The following AMPD3 variants were observed in gnomAD, a reference collection of about 807,000 sequenced individuals.
AMPD3 encodes AMP deaminase 3.
Under a neutral mutation model 82.3 loss-of-function variants are expected in AMPD3, and 57 were observed. The ratio of observed to expected loss-of-function variants is 0.69; its 90% CI spans 0.56 to 0.86. The LOEUF (loss-of-function observed/expected upper bound fraction) is 0.86. Ranked by LOEUF, AMPD3 falls within the 40% of genes least tolerant of loss-of-function variation. AMPD3 has a pLI of 0.00. For missense variants in AMPD3, 870 were observed against 1,003.8 expected (o/e 0.87, Z 1.80); for synonymous variants, 381 against 394.7 (o/e 0.97, Z 0.41).
At chr11:10,476,238 C>G (rs1848732068) in intron 2 of AMPD3, among the ~76,000 whole-genome samples, 1 of 152,204 alleles carries the variant, frequency 6.6e-6, no homozygotes. Flanking sequence ...TTAAACCTAT[C>G]CCTTGTGCCT....
In AMPD3 at chr11:10,496,878, C is replaced by T; in HGVS notation, c.1497C>T (p.Pro499=). ...AGATGCTGGAGAACATCTTCCTGCC[C>T]CTTTTCAAGGCCACTATCAACCCCC... is the stretch of plus-strand genomic sequence containing the variant. ...FGKMLENIFL[P]LFKATINPQD... is the part of the protein sequence containing the mutation. Residue 499 remains proline, a synonymous_variant, in exon 10 of 15, where the codon CCC becomes CCT. Transcript: ENST00000396553. 1 of 1,614,062 alleles carries T rather than the reference C, an allele frequency of 6.2e-7. No individual in the cohort carries two copies. The highest frequency in any genetic ancestry group is 8.5e-7 in the Non-Finnish European group (1 of 1,179,962).
At chr11:10,457,020 C>T (rs1848115761) in intron 1 of AMPD3, among the ~76,000 whole-genome samples, 1 of 150,670 alleles carries the variant, frequency 6.6e-6, no homozygotes, top group South Asian at 2.1e-4. Context: ...CTCTGTCACC[C>T]AGGCTGGAGT....
At chr11:10,476,271 G>T (rs921350576) in intron 2 of AMPD3, among the ~76,000 whole-genome samples, 1 of 152,132 alleles carries the variant, frequency 6.6e-6, no homozygotes, top group South Asian at 2.1e-4. Flanking sequence ...CTCCTGGCCC[G>T]CAGATGCTCA....
In AMPD3 at chr11:10,487,288, A is replaced by G. The variant is rs777500401; in HGVS notation, c.863A>G (p.His288Arg). The G allele has an allele frequency of 2.5e-6, 4 of 1,614,148 alleles. No homozygotes were observed. The highest frequency in any genetic ancestry group is 1.1e-5 in the South Asian group (1 of 91,072). ...LNFLESKFSLHEMLNEMSEFK... is the reference protein window; with the variant it reads ...LNFLESKFSLREMLNEMSEFK... ...TTTCTGGAATCCAAGTTCAGCCTTCATGAGATGTTAAACGAAATGTCCGAG... is the reference window on the plus strand; with the variant it reads ...TTTCTGGAATCCAAGTTCAGCCTTCGTGAGATGTTAAACGAAATGTCCGAG... The change falls in exon 6 of 15, where the codon CAT becomes CGT. Residue 288 changes from histidine to arginine, a missense_variant. His to Arg is a conservative substitution (Grantham distance 29). Transcript: ENST00000396553.
chr11:10,481,746 G>T (rs1002876535), intron 3 of AMPD3: 2 of 417,632 alleles, frequency 4.8e-6, no homozygotes, highest in Admixed American at 7.1e-5. Context: ...CAGCACATGT[G>T]GGAAGTGTTG....
upstream of AMPD3, among the ~76,000 whole-genome samples, chr11:10,452,773 G>C (rs1847993053): frequency 4.6e-5 from 7 of 152,220 alleles, no homozygotes; most frequent in Admixed American, 4.6e-4. Flanking sequence ...CCAGGTACCA[G>C]TCTAAACACT....
chr11:10,495,071 T>C, intron 8 of AMPD3, 41 bp downstream of exon 8: 2 of 1,613,690 alleles, frequency 1.2e-6, no homozygotes, highest in Non-Finnish European at 1.7e-6. Flanking sequence ...CTCAGGTGCC[T>C]CCCAACATCT....
intron 2 of AMPD3, among the ~76,000 whole-genome samples, chr11:10,465,345 A>C (rs1848387891): frequency 6.6e-6 from 1 of 152,220 alleles, no homozygotes; most frequent in Non-Finnish European, 1.5e-5. Flanking sequence ...TGCTTTGAGG[A>C]AGAATGCAGG....
At position 10,501,634 on chromosome 11, in the gene AMPD3, G is replaced by T. The variant is rs1326948797; in HGVS notation, c.1842+44G>T. The T allele has an allele frequency of 3.7e-6, 6 of 1,613,926 alleles. No homozygotes were observed. In the South Asian group the frequency reaches 5.5e-5, roughly 15 times the overall value. On this transcript the variant is annotated intron_variant, in intron 12 of 14. Transcript: ENST00000396553. ...GGAGCCCGTCCTGAGTGACTGCCCT[G>T]CCCTGGGCTCCTGGGAGGCTCAACC...
intron 7 of AMPD3, among the ~76,000 whole-genome samples, chr11:10,494,238 AATATC>A (rs1433502598): frequency 6.6e-6 from 1 of 152,234 alleles, no homozygotes; most frequent in African/African-American, 2.4e-5. Flanking sequence ...CAAAAGGACA[AATATC>A]ATATGATTCC....
intron 7 of AMPD3, 152 bp from the exon 8 acceptor site, chr11:10,494,747 G>A (rs1849340409): frequency 1.3e-6 from 2 of 1,531,238 alleles, no homozygotes; most frequent in South Asian, 1.2e-5. Context: ...TGGTCCTGGT[G>A]CTCAGGAGTT....
chr11:10,470,711 A>G (rs1344281422), intron 2 of AMPD3, among the ~76,000 whole-genome samples: 1 of 152,254 alleles, frequency 6.6e-6, no homozygotes, highest in African/African-American at 2.4e-5. Flanking sequence ...CCCATTCACA[A>G]TTGCCACTAG....
At chr11:10,501,077 A>G (rs2133940742) in intron 11 of AMPD3, 10 of 985,394 alleles carry the variant, frequency 1.0e-5, no homozygotes, top group Non-Finnish European at 1.2e-5. Flanking sequence ...GGCATGGAAC[A>G]TAGACTTCAC....
chr11:10,499,938 C>G, intron 10 of AMPD3, 148 bp from the exon 11 acceptor site: 1 of 1,507,448 alleles, frequency 6.6e-7, no homozygotes, highest in Non-Finnish European at 8.9e-7. Context: ...GGAATATGGC[C>G]TCAGGCAGGC....
At chr11:10,501,380 C>T (rs1564858011) in intron 11 of AMPD3, 90 bp from the exon 12 acceptor site, 3 of 1,563,180 alleles carry the variant, frequency 1.9e-6, no homozygotes, top group Non-Finnish European at 2.6e-6. Context: ...TGGTCATTCC[C>T]CCCGGAGCTG....
intron 12 of AMPD3, chr11:10,502,184 T>C (rs1443008678): frequency 4.1e-6 from 4 of 985,292 alleles, no homozygotes; most frequent in Non-Finnish European, 4.8e-6. Context: ...CTTTCCCTGA[T>C]CCCGGTGAGG....
In AMPD3 at chr11:10,456,266, A is replaced by G; in HGVS notation, c.-6+818A>G. The G allele has an allele frequency of 1.3e-6, 2 of 1,564,358 alleles. No homozygotes were observed. The highest frequency in any genetic ancestry group is 1.7e-6 in the Non-Finnish European group (2 of 1,153,484). ...CAGATATGCAAAACAGAGACCTCCT[A>G]CTCCAGCCGGCAGACAGGACCCAGC... On this transcript the variant is annotated intron_variant, in intron 1 of 14. Transcript: ENST00000396553. This position sits in a 1 kb window ranked among gnomAD's most constrained non-coding sequence, Gnocchi z 4.3.
intron 1 of AMPD3, chr11:10,460,854 G>C (rs1197404978): frequency 2.0e-6 from 2 of 980,810 alleles, no homozygotes; most frequent in East Asian, 1.1e-4. Context: ...CAGTATGCGA[G>C]GAGGTGGATA....
At chr11:10,505,572 G>C in intron 14 of AMPD3, 136 bp from the exon 15 acceptor site, 1 of 1,499,462 alleles carries the variant, frequency 6.7e-7, no homozygotes. Context: ...GTTCTGTGGG[G>C]ATAAGATGTC....
Sources: gnomAD v4.1 joint callset for allele counts (sites outside exome capture counted in the v4.1 genomes callset) on GRCh38, gnomAD v4.1.1 for gene constraint, Gnocchi (gnomAD v3.1) non-coding constraint, MANE v1.5 for transcripts, NCBI Gene and HGNC (gene_info 2026-07-23, HGNC 2026-07-21) for gene names.